FBH1: variants seen among roughly 807,000 people sequenced by gnomAD.
The protein encoded by FBH1 is DNA 3'-5' helicase 1.
FBH1 carries 43 observed loss-of-function variants against 115.5 expected under a neutral mutation model. The observed-to-expected ratio is 0.37, with a 90% CI of 0.29 to 0.48. FBH1 has a LOEUF of 0.48. FBH1 is among the 20% of genes least tolerant of loss of function. FBH1 has a pLI of 0.99. For missense variants in FBH1, 1,001 were observed against 1,337.3 expected (o/e 0.75, Z 3.92); for synonymous variants, 524 against 507.8 (o/e 1.03, Z -0.43).
rs1447496078 is a variant in FBH1 at position 5,911,147 on chromosome 10, G to A, written c.1211+19G>A. On this transcript the variant is annotated intron_variant, in intron 6 of 20. Coordinates refer to ENST00000362091, the MANE Select transcript of FBH1 (RefSeq NM_178150.3). The surrounding 1 kb of genome is among the most constrained non-coding windows in gnomAD (Gnocchi z 5.4). ...GCAATAGGTAATGCCCCGGGAGGAG[G>A]GGAGGGGATGCTGTGATAATGGGAG... The A allele has an allele frequency of 6.3e-7, 1 of 1,598,066 alleles. No homozygotes were observed. Among genetic ancestry groups the A allele is most frequent in the Non-Finnish European group, 8.5e-7 (1 of 1,170,972 alleles).
intron 1 of FBH1, chr10:5,894,356 T>C: frequency 6.4e-7 from 1 of 1,569,712 alleles, no homozygotes; most frequent in African/African-American, 1.4e-5. Flanking sequence ...AAAAATGTAA[T>C]ATGGAAATTA....
In FBH1 at chr10:5,911,497, GAA is replaced by G. The variant is rs1831589411; in HGVS notation, c.1211+372_1211+373del. 6.6e-6 allele frequency among the ~76,000 whole-genome samples: 1 copy of G among 152,218 alleles called. No individual in the cohort carries two copies. Among genetic ancestry groups the G allele is most frequent in the African/African-American group, 2.4e-5 (1 of 41,448 alleles). Reference sequence around the variant, plus strand: ...TCCTCCATATCCCACTTGTGGGATGGAAAAGACTCATCCACCTTATCCTCCAT... The same window carrying G: ...TCCTCCATATCCCACTTGTGGGATGGAAGACTCATCCACCTTATCCTCCAT... On this transcript the variant is annotated intron_variant, in intron 6 of 20. Coordinates refer to ENST00000362091, the MANE Select transcript of FBH1 (RefSeq NM_178150.3). The surrounding 1 kb of genome is among the most constrained non-coding windows in gnomAD (Gnocchi z 5.4).
chr10:5,893,998 C>T (rs1239713438), intron 1 of FBH1: 1 of 985,238 alleles, frequency 1.0e-6, no homozygotes, highest in Non-Finnish European at 1.2e-6. Context: ...AACGGAAAGC[C>T]CAGCCCATCC....
In FBH1 at chr10:5,915,745, C is replaced by G. The variant is rs1831887458; in HGVS notation, c.1565+174C>G. The G allele has an allele frequency of 1.6e-6, 1 of 614,226 alleles. No individual in the cohort carries two copies. Among genetic ancestry groups the G allele is most frequent in the South Asian group, 2.0e-5 (1 of 49,914 alleles). 38.0% of individuals were successfully genotyped at this position (614,226 alleles called of 1,614,324 possible). On this transcript the variant is annotated intron_variant, in intron 9 of 20. Coordinates refer to ENST00000362091, the MANE Select transcript of FBH1 (RefSeq NM_178150.3). This position sits in a 1 kb window ranked among gnomAD's most constrained non-coding sequence, Gnocchi z 5.2. Reference sequence around the variant, plus strand: ...TAGGTTTAGCCATTTGTACTTTTATCCTGTAGCAACATATTGTTTACATAT... The same window carrying G: ...TAGGTTTAGCCATTTGTACTTTTATGCTGTAGCAACATATTGTTTACATAT...
At position 5,933,034 on chromosome 10, in the gene FBH1, A is replaced by G. The variant is rs943571064; in HGVS notation, c.2830-3422A>G. ...ACCTGGCCAAGTGTGACTTTTCTAG[A>G]TGTTGCCAATTTTTTCATGGAGATT... is the stretch of plus-strand genomic sequence containing the variant. On this transcript the variant is annotated intron_variant, in intron 19 of 20. Coordinates refer to ENST00000362091, the MANE Select transcript of FBH1 (RefSeq NM_178150.3). The surrounding 1 kb of genome is among the most constrained non-coding windows in gnomAD (Gnocchi z 4.9). Among the ~76,000 whole-genome samples the G allele has an allele frequency of 6.6e-6, 1 of 152,054 alleles. No homozygotes were observed. Among genetic ancestry groups the G allele is most frequent in the Non-Finnish European group, 1.5e-5 (1 of 68,000 alleles).
chr10:5,903,362 A>G (rs1015724014), intron 2 of FBH1, among the ~76,000 whole-genome samples, 187 bp downstream of exon 2: 1 of 150,300 alleles, frequency 6.7e-6, no homozygotes, highest in Non-Finnish European at 1.5e-5. Flanking sequence ...CGGAGTTTCA[A>G]TCTTGTTGCC....
intron 19 of FBH1, among the ~76,000 whole-genome samples, chr10:5,928,072 C>CAA (rs1010342333): frequency 0.011 from 271 of 24,172 alleles, 5 homozygotes; most frequent in African/African-American, 0.021. Context: ...GACTCCATCT[C>CAA]AAAAAAAAAA....
chr10:5,917,405 T>C lies in FBH1; in HGVS notation c.1789-15T>C, dbSNP rs754983597. ...GGGTCTCAAACTCTGGGTTACCATATGCTTTACTTCCTAGAATGGTGTCCT... is the reference window on the plus strand; with the variant it reads ...GGGTCTCAAACTCTGGGTTACCATACGCTTTACTTCCTAGAATGGTGTCCT... On this transcript the variant is annotated splice_polypyrimidine_tract_variant and intron_variant, in intron 10 of 20. Coordinates refer to ENST00000362091, the MANE Select transcript of FBH1 (RefSeq NM_178150.3). This position sits in a 1 kb window ranked among gnomAD's most constrained non-coding sequence, Gnocchi z 5.6. 1.9e-6 allele frequency: 3 copies of C among 1,612,314 alleles called. No homozygotes were observed. Among genetic ancestry groups the C allele is most frequent in the African/African-American group, 2.7e-5 (2 of 74,906 alleles).
rs1357671712 is a variant in FBH1, at chr10:5,906,885, G to A, written c.753+253G>A. Among the ~76,000 whole-genome samples the A allele has an allele frequency of 6.6e-6, 1 of 151,738 alleles. No homozygotes were observed. Among genetic ancestry groups the A allele is most frequent in the South Asian group, 2.1e-4 (1 of 4,806 alleles). ...ATCTGCTGTGCCCTGACCACAGACT[G>A]CACATTCCTTCCCCTCCCTGGGTTG... On this transcript the variant is annotated intron_variant, in intron 3 of 20. Transcript: ENST00000362091. This position sits in a 1 kb window ranked among gnomAD's most constrained non-coding sequence, Gnocchi z 7.3.
chr10:5,889,983 C>G (rs1842597322), upstream of FBH1: 2 of 212,850 alleles, frequency 9.4e-6, no homozygotes, highest in African/African-American at 4.6e-5. Context: ...TCGGGGAGCT[C>G]GAAGGAACTC....
rs777298104 is a variant in FBH1 at position 5,931,662 on chromosome 10, G to A, written c.2829+4121G>A. Among the ~76,000 whole-genome samples the A allele has an allele frequency of 3.3e-5, 5 of 152,122 alleles. No individual in the cohort carries two copies. Among genetic ancestry groups the A allele is most frequent in the Non-Finnish European group, 7.3e-5 (5 of 68,028 alleles). ...ACAGCTCCATTTCTCCATGAATGAT[G>A]TATTTATTAGTCAAAATATCATGTT... On this transcript the variant is annotated intron_variant, in intron 19 of 20. Transcript: ENST00000362091. The surrounding 1 kb of genome is among the most constrained non-coding windows in gnomAD (Gnocchi z 4.3).
rs1441112931 is a variant in FBH1, at chr10:5,925,551, G to T, written c.2722+59G>T. 1.9e-6 allele frequency: 3 copies of T among 1,600,650 alleles called. No homozygotes were observed. Among genetic ancestry groups the T allele is most frequent in the Non-Finnish European group, 2.6e-6 (3 of 1,173,830 alleles). ...GTATGTAGTGAGTGGTGACTGGAATGCTTCCTTTGCACGGCCTTGTTGTTT... is the reference window on the plus strand; with the variant it reads ...GTATGTAGTGAGTGGTGACTGGAATTCTTCCTTTGCACGGCCTTGTTGTTT... On this transcript the variant is annotated intron_variant, in intron 18 of 20. Coordinates refer to ENST00000362091, the MANE Select transcript of FBH1 (RefSeq NM_178150.3). This position sits in a 1 kb window ranked among gnomAD's most constrained non-coding sequence, Gnocchi z 4.6.
At chr10:5,905,926 C>A in intron 2 of FBH1, 111 bp from the exon 3 acceptor site, 1 of 733,306 alleles carries the variant, frequency 1.4e-6, no homozygotes. Flanking sequence ...GTTTTTATCT[C>A]TTTCCACTAT....
chr10:5,890,831 G>C (rs1336452073), intron 1 of FBH1, among the ~76,000 whole-genome samples: 1 of 152,212 alleles, frequency 6.6e-6, no homozygotes, highest in African/African-American at 2.4e-5. Context: ...CGCTGGTGGA[G>C]GGCACGGCGA....
intron 19 of FBH1, among the ~76,000 whole-genome samples, chr10:5,930,419 C>T (rs1055274882): frequency 5.3e-5 from 8 of 152,334 alleles, no homozygotes; most frequent in Non-Finnish European, 7.3e-5. Context: ...AGAGCGTCCC[C>T]ATTCTTGGTT....
intron 15 of FBH1, among the ~76,000 whole-genome samples, chr10:5,922,993 G>A (rs1001781982): frequency 6.6e-6 from 1 of 151,966 alleles, no homozygotes; most frequent in Non-Finnish European, 1.5e-5. Context: ...AGAGATTCTC[G>A]TGCCTCGGCC....
Position 5,911,542 on chromosome 10 carries a change from G to A in FBH1, c.1211+414G>A, listed in dbSNP as rs1016317911. On this transcript the variant is annotated intron_variant, in intron 6 of 20. Coordinates refer to ENST00000362091, the MANE Select transcript of FBH1 (RefSeq NM_178150.3). The surrounding 1 kb of genome is among the most constrained non-coding windows in gnomAD (Gnocchi z 5.4). ...TCCTCCATGCGGGAGAGGCTATGGC[G>A]TGTCGGCTGCTGATTCACAGGGGCC... Among the ~76,000 whole-genome samples, 3 of 152,210 alleles carry A rather than the reference G, an allele frequency of 2.0e-5. No individual in the cohort carries two copies. The highest frequency in any genetic ancestry group is 6.5e-5 in the Admixed American group (1 of 15,286).
chr10:5,894,912 C>A, intron 1 of FBH1: 1 of 834,936 alleles, frequency 1.2e-6, no homozygotes, highest in Non-Finnish European at 1.8e-6. Context: ...CACACTTACA[C>A]AAAGAATTGT....
chr10:5,896,595 T>C (rs1419235102), intron 1 of FBH1, among the ~76,000 whole-genome samples: 3 of 152,174 alleles, frequency 2.0e-5, no homozygotes, highest in African/African-American at 7.2e-5. Context: ...TTGGTTATTG[T>C]GGAAGAGAGT....
Sources: gnomAD v4.1 joint callset for allele counts (sites outside exome capture counted in the v4.1 genomes callset) on GRCh38, gnomAD v4.1.1 for gene constraint, Gnocchi (gnomAD v3.1) non-coding constraint, MANE v1.5 for transcripts, NCBI Gene and HGNC (gene_info 2026-07-23, HGNC 2026-07-21) for gene names.